TNFRSF10D: variants seen among roughly 807,000 people sequenced by gnomAD.
TNFRSF10D encodes the protein TNF receptor superfamily member 10d, also known as tumor necrosis factor receptor superfamily member 10D.
In TNFRSF10D, 28 loss-of-function variants were observed where a neutral mutation model predicts 42.1. The ratio of observed to expected loss-of-function variants is 0.66; its 90% CI spans 0.49 to 0.91. The LOEUF (loss-of-function observed/expected upper bound fraction) is 0.91, where lower values mean the gene tolerates loss of function less well. Among genes scored for constraint, TNFRSF10D ranks in the 40% least tolerant of loss-of-function variants. The pLI is 0.00. For synonymous variants in TNFRSF10D, 186 were observed against 189.4 expected (o/e 0.98, Z 0.15); for missense variants, 503 against 486.1 (o/e 1.03, Z -0.33).
In TNFRSF10D at chr8:23,154,895, T is replaced by G; in HGVS notation, c.235A>C (p.Lys79Gln). ...VAPQQQRRSLKEEECPAGSHR... is the reference protein window; with the variant it reads ...VAPQQQRRSLQEEECPAGSHR... The stretch of plus-strand genomic sequence containing the variant: ...GCACCTGCTGGACACTCCTCCTCCT[T>G]GAGGCTGCGCCTCTGTTGCTGTGGG... Residue 79 changes from lysine (K) to glutamine (Q), a missense_variant, in exon 2 of 9, where the codon AAG becomes CAG. Coordinates refer to ENST00000312584, the MANE Select transcript of TNFRSF10D (RefSeq NM_003840.5). 1.2e-6 allele frequency: 2 copies of G among 1,613,830 alleles called. No individual in the cohort carries two copies. The highest frequency in any genetic ancestry group is 1.7e-6 in the Non-Finnish European group (2 of 1,179,840).
At position 23,155,277 on chromosome 8, in the gene TNFRSF10D, C is replaced by T. The variant is rs145506526; in HGVS notation, c.151-298G>A. Among the ~76,000 whole-genome samples the T allele has an allele frequency of 3.3e-5, 5 of 151,268 alleles. No homozygotes were observed. The East Asian group carries it at 7.7e-4, about 23-fold the overall frequency. The stretch of plus-strand genomic sequence containing the variant: ...TTTTGATAGAGTCTTGCTATGTTGC[C>T]CAGGCTAGAATGCAGTGTCTATTCA... On this transcript the variant is annotated intron_variant, in intron 1 of 8. Coordinates refer to ENST00000312584, the MANE Select transcript of TNFRSF10D (RefSeq NM_003840.5).
chr8:23,158,238 C>G (rs1425283038), intron 1 of TNFRSF10D, among the ~76,000 whole-genome samples: 1 of 152,186 alleles, frequency 6.6e-6, no homozygotes, highest in Non-Finnish European at 1.5e-5. Context: ...GCCCCTCAGT[C>G]CAATTCTTTC....
Position 23,145,678 on chromosome 8 carries a change from G to A in TNFRSF10D, c.726C>T (p.Gly242=). Residue 242 remains glycine (G), a synonymous_variant, in exon 5 of 9, where the codon GGC becomes GGT. Transcript: ENST00000312584. ...CRKKFISYLK[G]ICSGGGGGPE... ...TCAGCCAGCACCTACCTGAGCAGAT[G>A]CCTTTGAGGTAAGAAATGAATTTCT... is the stretch of plus-strand genomic sequence containing the variant. 1 of 1,614,046 alleles carries A rather than the reference G, an allele frequency of 6.2e-7. No individual in the cohort carries two copies. Among genetic ancestry groups the A allele is most frequent in the Non-Finnish European group, 8.5e-7 (1 of 1,180,028 alleles).
chr8:23,141,960 AC>A (rs1320599162), intron 7 of TNFRSF10D, among the ~76,000 whole-genome samples: 10 of 152,190 alleles, frequency 6.6e-5, no homozygotes, highest in African/African-American at 2.4e-4. Flanking sequence ...CAAACCCACT[AC>A]TGGGTATACA....
intron 7 of TNFRSF10D, among the ~76,000 whole-genome samples, chr8:23,140,060 A>C (rs546851666): frequency 1.2e-3 from 189 of 152,120 alleles, no homozygotes; most frequent in Admixed American, 3.0e-3. Context: ...GAGGCCAAGG[A>C]GGGCGGATCA....
intron 7 of TNFRSF10D, among the ~76,000 whole-genome samples, chr8:23,142,671 C>T (rs979020297): frequency 5.9e-5 from 9 of 152,070 alleles, no homozygotes; most frequent in Non-Finnish European, 1.3e-4. Context: ...TGGATAAAAT[C>T]ATTCATACCT....
At chr8:23,161,029 G>A (rs1268831897) in intron 1 of TNFRSF10D, among the ~76,000 whole-genome samples, 1 of 152,274 alleles carries the variant, frequency 6.6e-6, no homozygotes, top group Non-Finnish European at 1.5e-5. Context: ...GTATGGAGGT[G>A]CAAGTAGGAA....
At position 23,147,041 on chromosome 8, in the gene TNFRSF10D, G is replaced by C. The variant is rs767411312; in HGVS notation, c.402C>G (p.Thr134=). Residue 134 remains threonine, a synonymous_variant, in exon 4 of 9, where the codon ACC becomes ACG. Coordinates refer to ENST00000312584, the MANE Select transcript of TNFRSF10D (RefSeq NM_003840.5). ...TTTCACACTGACACACGGTGTCTCT[G>C]GTCGTGGTACAGGAACTTTTATTTG... The part of the protein sequence containing the change: ...GQTNKSSCTT[T]RDTVCQCEKG... The C allele has an allele frequency of 3.7e-6, 6 of 1,613,816 alleles. No individual in the cohort carries two copies. The African/African-American group carries it at 8.0e-5, about 22-fold the overall frequency.
Position 23,135,866 on chromosome 8 carries a change from C to G in TNFRSF10D, c.*2004G>C. ...GACTGGCTCTCTCTGAGCTTTGAGA[C>G]CAAGTCTCCTGCACAGAAGGCCCAG... On this transcript the variant is annotated 3_prime_UTR_variant, in exon 9 of 9. Coordinates refer to ENST00000312584, the MANE Select transcript of TNFRSF10D (RefSeq NM_003840.5). The G allele has an allele frequency of 2.2e-6, 1 of 450,842 alleles. No homozygotes were observed. Among genetic ancestry groups the G allele is most frequent in the Admixed American group, 2.4e-5 (1 of 42,362 alleles). The allele number at this position is 450,842 out of a possible 1,614,324, so 27.9% of individuals were successfully genotyped here.
chr8:23,144,964 G>T, intron 6 of TNFRSF10D, 94 bp downstream of exon 6: 2 of 1,570,354 alleles, frequency 1.3e-6, no homozygotes, highest in Non-Finnish European at 1.8e-6. Context: ...GGGCAGCCAT[G>T]AGGACAAGGG....
intron 7 of TNFRSF10D, 77 bp from the exon 8 acceptor site, chr8:23,138,337 G>T: frequency 6.7e-7 from 1 of 1,502,360 alleles, no homozygotes; most frequent in Non-Finnish European, 9.3e-7. Flanking sequence ...CCACTAGCCA[G>T]CAAGAGACCT....
Position 23,136,721 on chromosome 8 carries a change from A to C in TNFRSF10D, c.*1149T>G, listed in dbSNP as rs534368931. 2 of 152,338 alleles carry C rather than the reference A, an allele frequency of 1.3e-5. No homozygotes were observed. The highest frequency in any genetic ancestry group is 3.9e-4 in the East Asian group (2 of 5,194). 9.4% of individuals were successfully genotyped at this position (152,338 alleles called of 1,614,324 possible). A position where few individuals can be genotyped will look rare whatever the true frequency, so the allele number is the denominator to read the frequency against. On this transcript the variant is annotated 3_prime_UTR_variant, in exon 9 of 9. Transcript: ENST00000312584. ...TGACTGTCCCAGCACGACAAACCAG[A>C]CACATGGCTTCCCAAAGATACCAGG...
In TNFRSF10D at chr8:23,136,239, T is replaced by G. The variant is rs550211478; in HGVS notation, c.*1631A>C. 6 of 242,674 alleles carry G rather than the reference T, an allele frequency of 2.5e-5. No homozygotes were observed. The Admixed American group carries it at 2.5e-4, about 10-fold the overall frequency. 15.0% of individuals were successfully genotyped at this position (242,674 alleles called of 1,614,324 possible). ...CGATTACTGAGGTTTTTAAATAAAATAATGGAACGTGACACAAGGACAAAT... is the reference window on the plus strand; with the variant it reads ...CGATTACTGAGGTTTTTAAATAAAAGAATGGAACGTGACACAAGGACAAAT... On this transcript the variant is annotated 3_prime_UTR_variant, in exon 9 of 9. Transcript: ENST00000312584.
intron 1 of TNFRSF10D, among the ~76,000 whole-genome samples, chr8:23,155,306 G>A (rs189027222): frequency 3.6e-3 from 538 of 150,774 alleles, no homozygotes; most frequent in African/African-American, 0.011. Context: ...CTATTCACAG[G>A]TGTGATCATA....
At chr8:23,151,700 T>C (rs1365162919) in intron 2 of TNFRSF10D, among the ~76,000 whole-genome samples, 1 of 152,180 alleles carries the variant, frequency 6.6e-6, no homozygotes, top group Admixed American at 6.5e-5. Context: ...AGATCAAAGA[T>C]AAATTGTTAT....
At chr8:23,159,021 T>C (rs1800322169) in intron 1 of TNFRSF10D, among the ~76,000 whole-genome samples, 1 of 152,176 alleles carries the variant, frequency 6.6e-6, no homozygotes, top group Non-Finnish European at 1.5e-5. Flanking sequence ...AATAGATTAG[T>C]TGTATTTTAA....
intron 1 of TNFRSF10D, among the ~76,000 whole-genome samples, chr8:23,162,238 G>A (rs1369707036): frequency 6.6e-6 from 1 of 152,184 alleles, no homozygotes; most frequent in African/African-American, 2.4e-5. Flanking sequence ...CCTTTGGGAC[G>A]CATAGAGTTC....
At chr8:23,141,877 ATTAG>A (rs1162850406) in intron 7 of TNFRSF10D, among the ~76,000 whole-genome samples, 516 of 151,504 alleles carry the variant, frequency 3.4e-3, no homozygotes, top group African/African-American at 0.011. Flanking sequence ...GGGAATGTAA[ATTAG>A]TTCAGCCAGT....
At chr8:23,138,535 C>A (rs968758339) in intron 7 of TNFRSF10D, among the ~76,000 whole-genome samples, 15 of 152,162 alleles carry the variant, frequency 9.9e-5, no homozygotes, top group African/African-American at 3.6e-4. Flanking sequence ...GACATAGAAA[C>A]TGCCACACCC....
Sources: gnomAD v4.1 joint callset for allele counts (sites outside exome capture counted in the v4.1 genomes callset) on GRCh38, gnomAD v4.1.1 for gene constraint, MANE v1.5 for transcripts, NCBI Gene and HGNC (gene_info 2026-07-23, HGNC 2026-07-21) for gene names.